SV2C: variants seen among roughly 807,000 people sequenced by gnomAD.
The protein encoded by SV2C is solute carrier family 22 member B3.
Under a neutral mutation model 79.7 loss-of-function variants are expected in SV2C, and 49 were observed. The observed-to-expected ratio is 0.61, with a 90% confidence interval of 0.49 to 0.78. The LOEUF (loss-of-function observed/expected upper bound fraction) is 0.78. Among genes scored for constraint, SV2C ranks in the 30% least tolerant of loss-of-function variants. The pLI is 0.00. For missense variants in SV2C, 833 were observed against 912.9 expected (o/e 0.91, Z 1.13); for synonymous variants, 334 against 333.2 (o/e 1.00, Z -0.03).
intron 4 of SV2C, among the ~76,000 whole-genome samples, chr5:76,233,920 G>A (rs1745526018): frequency 6.6e-6 from 1 of 151,972 alleles, no homozygotes; most frequent in Non-Finnish European, 1.5e-5. Context: ...TTGTGTCTCT[G>A]AGCTCATGGC....
At chr5:75,910,208 A>T in the SV2C span, 1 of 374,326 alleles carries the variant, frequency 2.7e-6, no homozygotes, top group Non-Finnish European at 5.2e-6. Flanking sequence ...TGGCTGAAGC[A>T]GGTGGATTGC....
chr5:75,986,548 T>C, the SV2C span, among the ~76,000 whole-genome samples: 3 of 152,024 alleles, frequency 2.0e-5, no homozygotes, highest in South Asian at 6.2e-4. Flanking sequence ...GGGAGTAAAT[T>C]TGTGTTGTTT....
At chr5:75,965,123 CT>C in the SV2C span, among the ~76,000 whole-genome samples, 2 of 152,060 alleles carry the variant, frequency 1.3e-5, no homozygotes, top group African/African-American at 4.8e-5. Flanking sequence ...CTTGCTCCTG[CT>C]TATGACCAGG....
intron 2 of SV2C, among the ~76,000 whole-genome samples, chr5:76,175,653 A>G (rs1743503131): frequency 6.6e-6 from 1 of 152,230 alleles, no homozygotes; most frequent in Admixed American, 6.5e-5. Context: ...TAGAAAAATT[A>G]TCATCTACAA....
rs539593258 is a variant in SV2C, at chr5:76,308,931, G to GTCTT, written c.2000+7388_2000+7391dup. On this transcript the variant is annotated intron_variant, in intron 12 of 12. Transcript: ENST00000502798. ...TACAACCGTGAGTAAATCAGTTGTG[G>GTCTT]TCTTTATTCTCATAAGCACAAGCAA... Among the ~76,000 whole-genome samples, 593 of 152,198 alleles carry GTCTT rather than the reference G, an allele frequency of 3.9e-3. 4 individuals carry two copies. The highest frequency in any genetic ancestry group is 0.016 in the South Asian group (75 of 4,800).
At chr5:75,904,403 A>AGAGAGG in the SV2C span, among the ~76,000 whole-genome samples, 4 of 123,028 alleles carry the variant, frequency 3.3e-5, no homozygotes, top group Non-Finnish European at 6.3e-5. Flanking sequence ...ACAAACCCAG[A>AGAGAGG]GAGAGAGAGA....
chr5:76,111,435 T>C (rs1043679398), intron 1 of SV2C, among the ~76,000 whole-genome samples: 4 of 152,170 alleles, frequency 2.6e-5, no homozygotes, highest in African/African-American at 7.2e-5. Flanking sequence ...TGAAAGAAGG[T>C]AAAGTGAGGC....
intron 3 of SV2C, among the ~76,000 whole-genome samples, chr5:76,204,192 A>G (rs1329215328): frequency 6.6e-6 from 1 of 152,192 alleles, no homozygotes; most frequent in Non-Finnish European, 1.5e-5. Context: ...TTTATAACAT[A>G]ATAAATTGGC....
chr5:76,340,716 CTGAG>C (rs1483425892), intron 12 of SV2C, among the ~76,000 whole-genome samples: 1 of 152,166 alleles, frequency 6.6e-6, no homozygotes, highest in Non-Finnish European at 1.5e-5. Flanking sequence ...GTAGTTTTAA[CTGAG>C]TAAGGAAACA....
intron 12 of SV2C, among the ~76,000 whole-genome samples, chr5:76,309,433 T>A (rs964934316): frequency 6.6e-6 from 1 of 151,596 alleles, no homozygotes; most frequent in Admixed American, 6.6e-5. Context: ...ACCCCGTCTC[T>A]ACTAAAAATA....
rs902625897 is a variant in SV2C at position 76,332,050 on chromosome 5, G to A, written c.*6503G>A. On this transcript the variant is annotated 3_prime_UTR_variant, in exon 13 of 13. Coordinates refer to ENST00000502798, the MANE Select transcript of SV2C (RefSeq NM_014979.4). ...TGAGATTCATTGGCTAGTGGAGGTA[G>A]ATGGTACTCTCCATGTCTGCAGAAG... The A allele has an allele frequency of 2.0e-5, 3 of 152,240 alleles. No homozygotes were observed. Among genetic ancestry groups the A allele is most frequent in the African/African-American group, 4.8e-5 (2 of 41,452 alleles). 9.4% of individuals were successfully genotyped at this position (152,240 alleles called of 1,614,324 possible).
At chr5:76,194,656 C>T (rs1298548402) in intron 2 of SV2C, among the ~76,000 whole-genome samples, 1 of 152,238 alleles carries the variant, frequency 6.6e-6, no homozygotes, top group Admixed American at 6.5e-5. Context: ...TCACCATTCA[C>T]TGTAGCTGAG....
intron 2 of SV2C, among the ~76,000 whole-genome samples, chr5:76,149,707 G>A (rs1185914389): frequency 6.6e-6 from 1 of 152,084 alleles, no homozygotes; most frequent in Non-Finnish European, 1.5e-5. Flanking sequence ...CCGCAGCTGA[G>A]GGATGCACAT....
At chr5:76,233,529 G>T (rs1481828604) in intron 4 of SV2C, among the ~76,000 whole-genome samples, 2 of 144,838 alleles carry the variant, frequency 1.4e-5, no homozygotes, top group Admixed American at 1.3e-4. Flanking sequence ...GTTTTCAAAG[G>T]GAATGCTTCC....
At chr5:76,089,843 C>T (rs1461478699) in intron 1 of SV2C, among the ~76,000 whole-genome samples, 1 of 152,138 alleles carries the variant, frequency 6.6e-6, no homozygotes, top group East Asian at 1.9e-4. Flanking sequence ...ATTTTTTCAG[C>T]TGTGAAAAGA....
At chr5:76,236,487 A>C (rs773117128) in intron 4 of SV2C, among the ~76,000 whole-genome samples, 1 of 152,052 alleles carries the variant, frequency 6.6e-6, no homozygotes, top group Non-Finnish European at 1.5e-5. Flanking sequence ...ACTTGAACCC[A>C]GGGGGCAGAG....
chr5:75,859,592 A>T, the SV2C span, among the ~76,000 whole-genome samples: 1 of 152,210 alleles, frequency 6.6e-6, no homozygotes. Context: ...ATGGGGAGCC[A>T]TGGGCGGCCT....
At chr5:75,918,529 T>C in the SV2C span, among the ~76,000 whole-genome samples, 2 of 152,356 alleles carry the variant, frequency 1.3e-5, no homozygotes, top group Middle Eastern at 6.8e-3. Flanking sequence ...AACTTACTCA[T>C]CACAAAGATT....
Position 76,194,969 on chromosome 5 carries a change from C to A in SV2C, c.631C>A (p.Leu211Met), listed in dbSNP as rs544888404. 2 of 1,613,932 alleles carry A rather than the reference C, an allele frequency of 1.2e-6. No homozygotes were observed. The highest frequency in any genetic ancestry group is 1.7e-6 in the Non-Finnish European group (2 of 1,179,970). ...MMVGAFFWGG[L>M]ADKVGRKQSL... ...GGTGGGGGCGTTCTTCTGGGGAGGA[C>A]TGGCAGACAAAGTGGGAAGGAAACA... Residue 211 changes from leucine to methionine, a missense_variant, in exon 3 of 13, where the codon CTG becomes ATG. Leu to Met is a conservative substitution (Grantham distance 15). Coordinates refer to ENST00000502798, the MANE Select transcript of SV2C (RefSeq NM_014979.4).
Sources: allele counts gnomAD v4.1 joint callset (sites outside exome capture counted in the v4.1 genomes callset), GRCh38; gene constraint gnomAD v4.1.1; transcripts MANE v1.5; gene names NCBI Gene and HGNC (gene_info 2026-07-23, HGNC 2026-07-21).